The following TRMT44 variants were observed in gnomAD, a reference collection of about 807,000 sequenced individuals.
TRMT44 encodes probable tRNA (uracil-O(2)-)-methyltransferase.
Under a neutral mutation model 77.3 loss-of-function variants are expected in TRMT44, and 78 were observed. The ratio of observed to expected loss-of-function variants is 1.01; its 90% CI spans 0.84 to 1.22. The LOEUF is 1.22. TRMT44 is among the 50% of genes most tolerant of loss of function. The pLI, the probability that TRMT44 is intolerant of heterozygous loss-of-function variation, is 0.00. For synonymous variants in TRMT44, 391 were observed against 383.3 expected (o/e 1.02, Z -0.23); for missense variants, 1,090 against 964.4 (o/e 1.13, Z -1.73).
At chr4:8,462,876 A>G (rs896975573) in intron 6 of TRMT44, among the ~76,000 whole-genome samples, 5 of 152,222 alleles carry the variant, frequency 3.3e-5, no homozygotes, top group South Asian at 2.1e-4. Context: ...GCAAACTTAA[A>G]TCTAGAATGA....
intron 3 of TRMT44, among the ~76,000 whole-genome samples, chr4:8,450,539 C>T (rs893748025): frequency 1.3e-5 from 2 of 151,848 alleles, no homozygotes; most frequent in Admixed American, 6.6e-5. Flanking sequence ...GAGCAGTTCC[C>T]AAAAGGAGAT....
At chr4:8,483,080 G>T (rs1727679146) in intron 2 of TRMT44, among the ~76,000 whole-genome samples, 1 of 152,128 alleles carries the variant, frequency 6.6e-6, no homozygotes, top group South Asian at 2.1e-4. Flanking sequence ...AGAATTATTG[G>T]TGATGGCCTG....
the TRMT44 span, among the ~76,000 whole-genome samples, chr4:8,500,731 C>T: frequency 1.5e-3 from 234 of 151,218 alleles, 1 homozygote; most frequent in African/African-American, 5.5e-3. Flanking sequence ...GACCTTGATT[C>T]ACTACAACTT....
the TRMT44 span, among the ~76,000 whole-genome samples, chr4:8,516,672 T>C: frequency 1.3e-5 from 2 of 152,116 alleles, no homozygotes; most frequent in Non-Finnish European, 2.9e-5. Context: ...ACCCAGCTAC[T>C]CAGGAGGCTG....
chr4:8,440,967 G>A lies in TRMT44; in HGVS notation c.145G>A (p.Ala49Thr). The A allele has an allele frequency of 6.5e-7, 1 of 1,528,884 alleles. No individual in the cohort carries two copies. The highest frequency in any genetic ancestry group is 8.7e-7 in the Non-Finnish European group (1 of 1,144,828). The allele number at this position is 1,528,884 out of a possible 1,614,324, so 94.7% of individuals were successfully genotyped here. Residue 49 changes from alanine (A) to threonine (T), a missense_variant, in exon 1 of 11, where the codon GCC becomes ACC. Ala to Thr is a moderately conservative substitution (Grantham distance 58, BLOSUM62 0). Coordinates refer to ENST00000389737, the MANE Select transcript of TRMT44 (RefSeq NM_152544.3). ...CGARLEARWSAALPCAEARGP... is the reference protein window; with the variant it reads ...CGARLEARWSTALPCAEARGP... ...CGCCCGCCTGGAGGCCCGCTGGAGC[G>A]CCGCCCTGCCCTGCGCGGAGGCCCG...
Position 8,443,202 on chromosome 4 carries a change from CTG to C in TRMT44, c.619+1765_619+1766del, listed in dbSNP as rs1243428870. Among the ~76,000 whole-genome samples, 11 of 152,334 alleles carry C rather than the reference CTG, an allele frequency of 7.2e-5. No individual in the cohort carries two copies. The East Asian group carries it at 2.1e-3, about 29-fold the overall frequency. On this transcript the variant is annotated intron_variant, in intron 1 of 10. Coordinates refer to ENST00000389737, the MANE Select transcript of TRMT44 (RefSeq NM_152544.3). ...TAGGAGTTCTTCCAGCTCTTATCAA[CTG>C]TGTTCTAATCTTAACCATTTTACGT...
At chr4:8,474,069 G>A (rs534812699) in intron 10 of TRMT44, among the ~76,000 whole-genome samples, 4 of 152,346 alleles carry the variant, frequency 2.6e-5, no homozygotes, top group South Asian at 2.1e-4. Context: ...GGCCTGTCAC[G>A]TTGTGGTGGG....
chr4:8,475,717 ATTAAGG>A, intron 10 of TRMT44, 49 bp from the exon 11 acceptor site: 1 of 1,564,706 alleles, frequency 6.4e-7, no homozygotes, highest in Non-Finnish European at 8.8e-7. Context: ...AGGCTGGTGA[ATTAAGG>A]AACTTTCAGG....
downstream of TRMT44, chr4:8,478,251 T>A (rs900262299): frequency 2.6e-5 from 4 of 152,676 alleles, no homozygotes; most frequent in East Asian, 5.8e-4. Flanking sequence ...TACGGCAGTT[T>A]CCAGTCACAA....
the TRMT44 span, among the ~76,000 whole-genome samples, chr4:8,514,204 C>T: frequency 6.7e-6 from 1 of 150,302 alleles, no homozygotes; most frequent in Non-Finnish European, 1.5e-5. Flanking sequence ...TCACTGCCAA[C>T]AAGCCAAGCA....
the TRMT44 span, among the ~76,000 whole-genome samples, chr4:8,505,342 G>T: frequency 6.6e-6 from 1 of 152,172 alleles, no homozygotes; most frequent in Non-Finnish European, 1.5e-5. Flanking sequence ...TGCAGGGAGG[G>T]TGCTCCAGGC....
At chr4:8,443,361 A>G (rs1239085155) in intron 1 of TRMT44, among the ~76,000 whole-genome samples, 1 of 152,146 alleles carries the variant, frequency 6.6e-6, no homozygotes, top group Non-Finnish European at 1.5e-5. Flanking sequence ...CCCTCTCAAC[A>G]AGGAGTACGT....
chr4:8,470,232 TG>T (rs1726889876), intron 9 of TRMT44, among the ~76,000 whole-genome samples: 1 of 152,154 alleles, frequency 6.6e-6, no homozygotes, highest in African/African-American at 2.4e-5. Flanking sequence ...CCAGGCTGGG[TG>T]GGCAGGATTC....
rs928085018 is a variant in TRMT44 at position 8,452,148 on chromosome 4, C to G, written c.1023+120C>G. ...CTGCCGGTGCTCACAATTCTGCTGGCCAAGGTTGGTTTCTCGTGTAATGGT... is the reference window on the plus strand; with the variant it reads ...CTGCCGGTGCTCACAATTCTGCTGGGCAAGGTTGGTTTCTCGTGTAATGGT... On this transcript the variant is annotated intron_variant, in intron 4 of 10. Transcript: ENST00000389737. This position sits in a 1 kb window ranked among gnomAD's most constrained non-coding sequence, Gnocchi z 5.7. 6.6e-6 allele frequency: 6 copies of G among 915,994 alleles called. No homozygotes were observed. Among genetic ancestry groups the G allele is most frequent in the Non-Finnish European group, 1.0e-5 (6 of 592,748 alleles). The allele number at this position is 915,994 out of a possible 1,614,324, so 56.7% of individuals were successfully genotyped here.
intron 2 of TRMT44, among the ~76,000 whole-genome samples, chr4:8,482,683 G>A (rs867588217): frequency 6.6e-6 from 1 of 152,162 alleles, no homozygotes; most frequent in Non-Finnish European, 1.5e-5. Flanking sequence ...CTTAAGGCAA[G>A]GACAGGCCAT....
the TRMT44 span, among the ~76,000 whole-genome samples, chr4:8,499,902 C>G: frequency 6.7e-6 from 1 of 149,974 alleles, no homozygotes; most frequent in Non-Finnish European, 1.5e-5. Context: ...GCACATGTAC[C>G]CTTGAACAAG....
chr4:8,465,892 C>T (rs1286053777), intron 8 of TRMT44, among the ~76,000 whole-genome samples: 2 of 152,216 alleles, frequency 1.3e-5, no homozygotes, highest in Non-Finnish European at 2.9e-5. Context: ...GTGGAAAGTT[C>T]CTGCTCCTTC....
chr4:8,515,701 C>T, the TRMT44 span, among the ~76,000 whole-genome samples: 1 of 152,202 alleles, frequency 6.6e-6, no homozygotes, highest in African/African-American at 2.4e-5. Flanking sequence ...GACCAAGGAG[C>T]AGGCTGGTCC....
the TRMT44 span, among the ~76,000 whole-genome samples, chr4:8,507,994 G>C: frequency 5.9e-5 from 9 of 152,268 alleles, no homozygotes; most frequent in South Asian, 1.9e-3. Context: ...GCAACCTCCA[G>C]CTCCCAGGTT....
Sources: allele counts gnomAD v4.1 joint callset (sites outside exome capture counted in the v4.1 genomes callset), GRCh38; gene constraint gnomAD v4.1.1; non-coding constraint Gnocchi (gnomAD v3.1); transcripts MANE v1.5; gene names NCBI Gene and HGNC (gene_info 2026-07-23, HGNC 2026-07-21).